Variants in SPTLC1 observed in about 807,000 individuals in gnomAD.
SPTLC1 encodes the protein serine palmitoyltransferase long chain base subunit 1, also known as serine palmitoyltransferase 1.
SPTLC1 carries 55 observed loss-of-function variants against 68.9 expected under a neutral mutation model. That is an observed-to-expected ratio of 0.80 (90% CI 0.64 to 1.00). The LOEUF (loss-of-function observed/expected upper bound fraction) is 1.00, where lower values mean the gene tolerates loss of function less well. Ranked by LOEUF, SPTLC1 falls within the 50% of genes least tolerant of loss-of-function variation. The pLI, the probability that SPTLC1 is intolerant of heterozygous loss-of-function variation, is 0.00. For synonymous variants in SPTLC1, 197 were observed against 201.6 expected, an observed-to-expected ratio of 0.98 and a Z score of 0.19; for missense variants, 449 against 573.1, an observed-to-expected ratio of 0.78 and a Z score of 2.21.
At chr9:92,052,330 T>C (rs1833727088) in intron 8 of SPTLC1, among the ~76,000 whole-genome samples, 2 of 152,078 alleles carry the variant, frequency 1.3e-5, no homozygotes, top group Admixed American at 1.3e-4. Flanking sequence ...GACCAGTCAA[T>C]GGGGAAACAT....
intron 8 of SPTLC1, among the ~76,000 whole-genome samples, chr9:92,052,868 A>T (rs1172704168): frequency 6.6e-6 from 1 of 152,154 alleles, no homozygotes; most frequent in Non-Finnish European, 1.5e-5. Context: ...ACACAAAAGC[A>T]CAAGCAACAA....
intron 3 of SPTLC1, among the ~76,000 whole-genome samples, chr9:92,084,371 T>G (rs1271782519): frequency 6.6e-6 from 1 of 152,184 alleles, no homozygotes; most frequent in Non-Finnish European, 1.5e-5. Flanking sequence ...TGATATTGGC[T>G]GTGGGTCTGT....
chr9:92,103,111 T>G (rs530592353), intron 3 of SPTLC1, among the ~76,000 whole-genome samples: 1 of 152,366 alleles, frequency 6.6e-6, no homozygotes, highest in African/African-American at 2.4e-5. Context: ...GAAACTGACT[T>G]TTATCCATAT....
intron 8 of SPTLC1, chr9:92,054,032 A>G (rs1833798223): frequency 1.1e-6 from 1 of 936,258 alleles, no homozygotes; most frequent in African/African-American, 1.8e-5. Context: ...CTGTAATCTC[A>G]GCACTTTGGG....
intron 3 of SPTLC1, chr9:92,108,147 GATATCT>G (rs1399610133): frequency 1.9e-5 from 3 of 154,966 alleles, no homozygotes; most frequent in Admixed American, 1.9e-4. Context: ...ATAGGTGTCT[GATATCT>G]ATATCTATAT....
At chr9:92,104,501 T>C in intron 3 of SPTLC1, 3 of 1,413,642 alleles carry the variant, frequency 2.1e-6, no homozygotes, top group Non-Finnish European at 1.9e-6. Context: ...AGCCCCCCCC[T>C]CAAGGAAGAA....
chr9:92,034,863 T>C lies in SPTLC1; in HGVS notation c.1275A>G (p.Ala425=), dbSNP rs772344168. The change falls in exon 14 of 15, where the codon GCA becomes GCG. Residue 425 remains alanine (A), a synonymous_variant. Coordinates refer to ENST00000262554, the MANE Select transcript of SPTLC1 (RefSeq NM_006415.4). ...TCTCCAAGTAGCGCGCCTGAGTTAA[T>C]GCAATACTTCTGTTCATGCACTGTA... The part of the protein sequence containing the change: ...IVDQCMNRSI[A]LTQARYLEKE... The C allele has an allele frequency of 1.9e-6, 3 of 1,614,056 alleles. No homozygotes were observed. Among genetic ancestry groups the C allele is most frequent in the Admixed American group, 3.3e-5 (2 of 59,998 alleles).
intron 3 of SPTLC1, among the ~76,000 whole-genome samples, chr9:92,088,632 A>G (rs1835246355): frequency 6.6e-6 from 1 of 152,276 alleles, no homozygotes; most frequent in Non-Finnish European, 1.5e-5. Context: ...ACCATTCTAT[A>G]AAAACTGTAA....
rs192646066 is a variant in SPTLC1, at chr9:92,036,770, G to A, written c.1254+1478C>T. Among the ~76,000 whole-genome samples, 10 of 152,314 alleles carry A rather than the reference G, an allele frequency of 6.6e-5. No homozygotes were observed. The East Asian group carries it at 1.5e-3, about 24-fold the overall frequency. The stretch of plus-strand genomic sequence containing the variant: ...ATGCGTTTTAGTTTTCCATTTGTAT[G>A]AGAACTCTAATCACAAAGATGTCAT... On this transcript the variant is annotated intron_variant, in intron 13 of 14. Transcript: ENST00000262554.
At chr9:92,089,200 C>CA (rs1835266954) in intron 3 of SPTLC1, among the ~76,000 whole-genome samples, 1 of 152,128 alleles carries the variant, frequency 6.6e-6, no homozygotes, top group Admixed American at 6.5e-5. Flanking sequence ...TACCTGAGGT[C>CA]AGGAGTTCAA....
chr9:92,084,656 A>C (rs1835037692), intron 3 of SPTLC1, among the ~76,000 whole-genome samples: 1 of 151,558 alleles, frequency 6.6e-6, no homozygotes, highest in African/African-American at 2.4e-5. Context: ...TATTTTATTG[A>C]GGATTTTTGC....
intron 7 of SPTLC1, among the ~76,000 whole-genome samples, chr9:92,058,975 T>A (rs7857759): frequency 3.9e-5 from 6 of 151,996 alleles, no homozygotes; most frequent in Non-Finnish European, 7.4e-5. Context: ...CTCCCTCCAA[T>A]TTGCTATATG....
intron 2 of SPTLC1, chr9:92,110,147 G>A (rs920443821): frequency 2.6e-5 from 4 of 152,032 alleles, no homozygotes; most frequent in South Asian, 2.1e-4. Flanking sequence ...AACTAGTTTC[G>A]ACAAAGTCTG....
chr9:92,114,111 T>TAAA (rs1010458159), intron 1 of SPTLC1, among the ~76,000 whole-genome samples: 1 of 141,352 alleles, frequency 7.1e-6, no homozygotes. Flanking sequence ...CCGTCTCTAT[T>TAAA]AAAAAAAAAA....
intron 2 of SPTLC1, chr9:92,111,053 T>C (rs1203372454): frequency 6.6e-6 from 1 of 152,194 alleles, no homozygotes; most frequent in Non-Finnish European, 1.5e-5. Context: ...TCACCTCTTC[T>C]AATCCAAACA....
In SPTLC1 at chr9:92,047,180, T is replaced by C; in HGVS notation, c.1073A>G (p.Glu358Gly). The C allele has an allele frequency of 1.2e-6, 2 of 1,613,644 alleles. No individual in the cohort carries two copies. The highest frequency in any genetic ancestry group is 4.5e-5 in the East Asian group (2 of 44,886). The change falls in exon 11 of 15, where the codon GAG becomes GGG. Residue 358 changes from glutamate to glycine, a missense_variant. Physicochemically the swap from Glu to Gly is moderately conservative, Grantham distance 98. Transcript: ENST00000262554. ...TTTTTAAAGGGTTATACCTGGATTC[T>C]CTTCCATGATGTTGAGGGCCTCAAT... ...AAIEALNIME[E>G]NPGIFAVLKE...
chr9:92,052,893 T>C (rs528422846), intron 8 of SPTLC1, among the ~76,000 whole-genome samples: 1 of 151,656 alleles, frequency 6.6e-6, no homozygotes, highest in African/African-American at 2.4e-5. Context: ...ACACATAAAC[T>C]GGACATCATC....
At chr9:92,100,152 C>T (rs1186798290) in intron 3 of SPTLC1, among the ~76,000 whole-genome samples, 4 of 151,546 alleles carry the variant, frequency 2.6e-5, no homozygotes, top group Admixed American at 6.6e-5. Context: ...TGGGGGCTCA[C>T]GCCTGTGATC....
chr9:92,097,754 A>G (rs1450512586), intron 3 of SPTLC1, among the ~76,000 whole-genome samples: 1 of 152,226 alleles, frequency 6.6e-6, no homozygotes, highest in East Asian at 1.9e-4. Flanking sequence ...TGATAGTTGT[A>G]TAACTCTGGG....
Sources: allele counts gnomAD v4.1 joint callset (sites outside exome capture counted in the v4.1 genomes callset), GRCh38; gene constraint gnomAD v4.1.1; transcripts MANE v1.5; gene names NCBI Gene and HGNC (gene_info 2026-07-23, HGNC 2026-07-21).